The following C7orf78 variants were observed in gnomAD, a reference collection of about 807,000 sequenced individuals.
The protein encoded by C7orf78 is putative uncharacterized protein C7orf78.
the C7orf78 span, among the ~76,000 whole-genome samples, chr7:12,490,623 G>C: frequency 1.4e-4 from 21 of 152,184 alleles, no homozygotes; most frequent in African/African-American, 4.6e-4. Flanking sequence ...ACAGTGTGCC[G>C]GGGAAAGAGC....
At chr7:12,498,301 A>G in the C7orf78 span, among the ~76,000 whole-genome samples, 2 of 151,938 alleles carry the variant, frequency 1.3e-5, no homozygotes, top group Non-Finnish European at 2.9e-5. Flanking sequence ...ACGGGTGGAC[A>G]TTCAAACCAA....
the C7orf78 span, among the ~76,000 whole-genome samples, chr7:12,490,153 T>C: frequency 6.6e-6 from 1 of 152,134 alleles, no homozygotes; most frequent in African/African-American, 2.4e-5. Flanking sequence ...ACCAGGAACT[T>C]AGCACTTTGA....
At chr7:12,516,386 G>C in the C7orf78 span, among the ~76,000 whole-genome samples, 1 of 152,238 alleles carries the variant, frequency 6.6e-6, no homozygotes, top group East Asian at 1.9e-4. Flanking sequence ...ATGCATGAAT[G>C]CCCAAGCAGA....
At chr7:12,484,546 T>C in the C7orf78 span, among the ~76,000 whole-genome samples, 3 of 152,182 alleles carry the variant, frequency 2.0e-5, no homozygotes, top group East Asian at 3.8e-4. Flanking sequence ...TTCTACCCTA[T>C]TTGGTTATTT....
the C7orf78 span, among the ~76,000 whole-genome samples, chr7:12,528,446 C>T: frequency 6.7e-6 from 1 of 150,210 alleles, no homozygotes; most frequent in Non-Finnish European, 1.5e-5. Flanking sequence ...GTCAGCTTTC[C>T]TAGTATATGC....
chr7:12,491,941 C>A, the C7orf78 span: 1 of 152,162 alleles, frequency 6.6e-6, no homozygotes, highest in Non-Finnish European at 1.5e-5. Context: ...TTATAATAAT[C>A]TTGAGTAATT....
the C7orf78 span, among the ~76,000 whole-genome samples, chr7:12,495,036 T>C: frequency 2.3e-3 from 348 of 152,270 alleles, 1 homozygote; most frequent in African/African-American, 8.0e-3. Context: ...CTCCCATTGA[T>C]AAAATTGCTC....
chr7:12,494,311 T>C, the C7orf78 span, among the ~76,000 whole-genome samples: 1 of 152,180 alleles, frequency 6.6e-6, no homozygotes, highest in Non-Finnish European at 1.5e-5. Flanking sequence ...GATGGATGCT[T>C]GACCTGGTAA....
chr7:12,503,381 TA>T, the C7orf78 span, among the ~76,000 whole-genome samples: 1 of 152,008 alleles, frequency 6.6e-6, no homozygotes, highest in Non-Finnish European at 1.5e-5. Context: ...GCTTATGTTT[TA>T]AAAATAAAAG....
At chr7:12,509,101 C>T in the C7orf78 span, among the ~76,000 whole-genome samples, 3 of 152,352 alleles carry the variant, frequency 2.0e-5, no homozygotes, top group African/African-American at 7.2e-5. Flanking sequence ...AGATCACTCA[C>T]TGGTGCCAAA....
At chr7:12,526,044 TA>T in the C7orf78 span, 1 of 382,474 alleles carries the variant, frequency 2.6e-6, no homozygotes, top group Non-Finnish European at 4.6e-6. Context: ...AATGTCCTTT[TA>T]ATTATTTGCA....
chr7:12,492,554 C>T, the C7orf78 span, among the ~76,000 whole-genome samples: 106 of 152,244 alleles, frequency 7.0e-4, no homozygotes, highest in African/African-American at 2.4e-3. Flanking sequence ...CATGCATATG[C>T]ATACATAAAC....
At chr7:12,531,156 AT>A in the C7orf78 span, 1 of 397,828 alleles carries the variant, frequency 2.5e-6, no homozygotes, top group Non-Finnish European at 4.4e-6. Flanking sequence ...TTACTACTCA[AT>A]TTCTGTTTTA....
chr7:12,492,782 T>C, the C7orf78 span, among the ~76,000 whole-genome samples: 891 of 152,340 alleles, frequency 5.8e-3, 5 homozygotes, highest in Non-Finnish European at 0.011. Flanking sequence ...AACAGGTCTC[T>C]GTTTACTCTT....
the C7orf78 span, among the ~76,000 whole-genome samples, chr7:12,508,162 T>C: frequency 6.6e-6 from 1 of 152,188 alleles, no homozygotes; most frequent in African/African-American, 2.4e-5. Context: ...TGAGGGTCAT[T>C]TAGTTTTGTG....
At chr7:12,506,716 A>G in the C7orf78 span, 1 of 261,258 alleles carries the variant, frequency 3.8e-6, no homozygotes, top group South Asian at 3.6e-5. Flanking sequence ...GGTACAGCAA[A>G]CCAACATGGC....
At chr7:12,488,789 A>T in the C7orf78 span, among the ~76,000 whole-genome samples, 1 of 152,096 alleles carries the variant, frequency 6.6e-6, no homozygotes. Context: ...TTCATACCAT[A>T]TATGCATTCT....
the C7orf78 span, chr7:12,484,025 G>A: frequency 2.6e-5 from 4 of 152,096 alleles, no homozygotes; most frequent in Admixed American, 6.5e-5. Context: ...GGTAAAGGTC[G>A]ATCTTATGTT....
chr7:12,515,635 A>C, the C7orf78 span, among the ~76,000 whole-genome samples: 1 of 152,206 alleles, frequency 6.6e-6, no homozygotes, highest in African/African-American at 2.4e-5. Flanking sequence ...ATTCCTAGAG[A>C]CTTGTTGAAT....
Sources: allele counts gnomAD v4.1 joint callset (sites outside exome capture counted in the v4.1 genomes callset), GRCh38; gene constraint gnomAD v4.1.1; transcripts MANE v1.5; gene names NCBI Gene and HGNC (gene_info 2026-07-23, HGNC 2026-07-21).